The following USHBP1 variants were observed in gnomAD, a reference collection of about 807,000 sequenced individuals.
The protein encoded by USHBP1 is harmonin-binding protein USHBP1.
Under a neutral mutation model 76.2 loss-of-function variants are expected in USHBP1, and 67 were observed. The observed-to-expected ratio is 0.88, with a 90% CI of 0.72 to 1.08. The LOEUF is 1.08. USHBP1 is among the 50% of genes least tolerant of loss of function. The probability of loss-of-function intolerance (pLI) is 0.00; values close to 1 mark genes in which losing one functional copy is unlikely to be tolerated. For missense variants in USHBP1, 931 were observed against 915.0 expected (o/e 1.02, Z -0.23); for synonymous variants, 322 against 362.2 (o/e 0.89, Z 1.26).
chr19:17,254,611 G>A (rs139660936), intron 10 of USHBP1, among the ~76,000 whole-genome samples: 1,879 of 151,610 alleles, frequency 0.012, 11 homozygotes, highest in African/African-American at 0.019. Flanking sequence ...AGCCAAGATC[G>A]GGCCATTGCA....
chr19:17,259,332 G>C lies in USHBP1; in HGVS notation c.1003C>G (p.Arg335Gly), dbSNP rs562060158. The change falls in exon 7 of 13, where the codon CGG (arginine) becomes GGG (glycine). Residue 335 changes from arginine to glycine, a missense_variant. Coordinates refer to ENST00000252597, the MANE Select transcript of USHBP1 (RefSeq NM_031941.4). ...TGCAATGCTGTGGCCTCAGCCTCCC[G>C]CTGGCCTAGCTGCATGCTGAGGCCT... ...CEGLSMQLGQ[R>G]EAEATALHLA... 2.4e-5 allele frequency: 38 copies of C among 1,614,006 alleles called. 1 individual carries two copies. In the South Asian group the frequency reaches 4.1e-4, roughly 17 times the overall value.
Position 17,255,646 on chromosome 19 carries a change from C to T in USHBP1, c.1471-40G>A, listed in dbSNP as rs199696020. Reference sequence around the variant, plus strand: ...AGAGGGGAGAGAATTTATGCTTCTACGGTCAACTGCAGGGAAACTGAGGCC... The same window carrying T: ...AGAGGGGAGAGAATTTATGCTTCTATGGTCAACTGCAGGGAAACTGAGGCC... On this transcript the variant is annotated intron_variant, in intron 9 of 12. Coordinates refer to ENST00000252597, the MANE Select transcript of USHBP1 (RefSeq NM_031941.4). 298 of 1,541,898 alleles carry T rather than the reference C, an allele frequency of 1.9e-4. 2 individuals carry two copies. The highest frequency in any genetic ancestry group is 7.1e-4 in the East Asian group (30 of 42,156).
chr19:17,259,746 G>A lies in USHBP1; in HGVS notation c.769-14C>T, dbSNP rs768183768. The A allele has an allele frequency of 2.5e-6, 4 of 1,601,514 alleles. No homozygotes were observed. The East Asian group carries it at 6.7e-5, about 27-fold the overall frequency. On this transcript the variant is annotated splice_polypyrimidine_tract_variant and intron_variant, in intron 5 of 12. Transcript: ENST00000252597. ...GGAGAAGGAGTCCTGCCAAGAAGAAGTGATATAACTGACCCCAATTGTCAC... is the reference window on the plus strand; with the variant it reads ...GGAGAAGGAGTCCTGCCAAGAAGAAATGATATAACTGACCCCAATTGTCAC...
At chr19:17,255,944 G>A (rs1329594044) in intron 9 of USHBP1, among the ~76,000 whole-genome samples, 2 of 152,148 alleles carry the variant, frequency 1.3e-5, no homozygotes, top group Non-Finnish European at 2.9e-5. Flanking sequence ...GGCAGAGGCT[G>A]CAGTGAGCCA....
Position 17,256,585 on chromosome 19 carries a change from C to A in USHBP1, c.1356G>T (p.Met452Ile). 6.2e-7 allele frequency: 1 copy of A among 1,614,170 alleles called. No homozygotes were observed. The highest frequency in any genetic ancestry group is 8.5e-7 in the Non-Finnish European group (1 of 1,180,020). ...TGGCTTCTGCACGGGGCACAGTGGG[C>A]ATGGGTGCCAAGGTGGGGCCAGGCT... The part of the protein sequence containing the change: ...LSEPGPTLAP[M>I]PTVPRAEAMV... The change falls in exon 9 of 13, where the codon ATG (methionine) becomes ATT (isoleucine). Residue 452 changes from methionine (M) to isoleucine (I), a missense_variant. Coordinates refer to ENST00000252597, the MANE Select transcript of USHBP1 (RefSeq NM_031941.4).
intron 8 of USHBP1, among the ~76,000 whole-genome samples, chr19:17,257,557 C>T (rs942017241): frequency 2.7e-5 from 4 of 149,380 alleles, no homozygotes; most frequent in Non-Finnish European, 3.0e-5. Context: ...CAGGAGAATC[C>T]CTTGAACCCG....
At chr19:17,256,384 TCTC>T (rs1437797415) in intron 9 of USHBP1, 84 bp downstream of exon 9, 9 of 1,559,458 alleles carry the variant, frequency 5.8e-6, no homozygotes, top group Non-Finnish European at 7.8e-6. Context: ...CCAGCAGAAT[TCTC>T]CTTTGCTCCT....
At position 17,250,714 on chromosome 19, in the gene USHBP1, C is replaced by A. The variant is rs570773939; in HGVS notation, c.1923-300G>T. On this transcript the variant is annotated intron_variant, in intron 12 of 12. Transcript: ENST00000252597. ...TACAGGCGCCCACCACCACGCCCAG[C>A]TAATTTTTTTGTATTTTTTAATAGA... Among the ~76,000 whole-genome samples the A allele has an allele frequency of 6.6e-5, 10 of 152,094 alleles. No homozygotes were observed. In the South Asian group the frequency reaches 2.1e-3, roughly 32 times the overall value.
chr19:17,256,817 C>T (rs1005762214), intron 8 of USHBP1, 97 bp from the exon 9 acceptor site: 1 of 1,534,890 alleles, frequency 6.5e-7, no homozygotes, highest in African/African-American at 1.4e-5. Flanking sequence ...TTCCATCTCA[C>T]TGGCCACGAT....
chr19:17,259,955 C>A lies in USHBP1; in HGVS notation c.710G>T (p.Gly237Val), dbSNP rs1331403193. The A allele has an allele frequency of 6.2e-7, 1 of 1,614,078 alleles. No individual in the cohort carries two copies. Reference protein sequence around the residue: ...PCPHLSHNQAGGSGSGSSSSE... With the variant: ...PCPHLSHNQAVGSGSGSSSSE... ...GCTGCTAGAACCACTGCCTGAGCCA[C>A]CTGCTTGGTTGTGGGAAAGATGTGG... The change falls in exon 5 of 13, where the codon GGT (glycine) becomes GTT (valine). Residue 237 changes from glycine to valine, a missense_variant. Gly to Val is a moderately radical substitution (Grantham distance 109). Transcript: ENST00000252597.
rs1474768037 is a variant in USHBP1, at chr19:17,259,688, G to A, written c.813C>T (p.Ser271=). ...ACCCAAGGATCTGGGTGCTGGAATG[G>A]CTGCGGAGGCGCCGAAGCAGGGGGT... ...LAHPLLRRLR[S]HSSTQILGSL... Residue 271 remains serine, a synonymous_variant, in exon 6 of 13, where the codon AGC becomes AGT. Transcript: ENST00000252597. 15 of 1,614,000 alleles carry A rather than the reference G, an allele frequency of 9.3e-6. No homozygotes were observed. The highest frequency in any genetic ancestry group is 1.3e-5 in the Non-Finnish European group (15 of 1,179,952).
rs1240810871 is a variant in USHBP1 at position 17,258,333 on chromosome 19, A to G, written c.1099T>C (p.Ser367Pro). The G allele has an allele frequency of 6.2e-7, 1 of 1,613,968 alleles. No homozygotes were observed. Among genetic ancestry groups the G allele is most frequent in the Non-Finnish European group, 8.5e-7 (1 of 1,180,008 alleles). Reference protein sequence around the residue: ...RVLLALREADSGAGDEAPMSD... With the variant: ...RVLLALREADPGAGDEAPMSD... ...ATGGGGGCTTCGTCTCCTGCTCCTGAGTCGGCCTCCCGCAGAGCAAGCAGA... is the reference window on the plus strand; with the variant it reads ...ATGGGGGCTTCGTCTCCTGCTCCTGGGTCGGCCTCCCGCAGAGCAAGCAGA... Residue 367 changes from serine to proline, a missense_variant, in exon 8 of 13, where the codon TCA becomes CCA. Transcript: ENST00000252597.
At chr19:17,263,035 A>G in intron 3 of USHBP1, 45 bp from the exon 4 acceptor site, 1 of 1,487,094 alleles carries the variant, frequency 6.7e-7, no homozygotes, top group Non-Finnish European at 9.0e-7. Flanking sequence ...ATGCTGGGCA[A>G]GGAATTCTTT....
intron 12 of USHBP1, among the ~76,000 whole-genome samples, chr19:17,250,890 C>T (rs1029841886): frequency 6.6e-6 from 1 of 150,904 alleles, no homozygotes; most frequent in African/African-American, 2.4e-5. Flanking sequence ...GATGGGGTTT[C>T]GCTCTTGTTG....
chr19:17,254,097 A>C (rs2073587896), intron 10 of USHBP1, among the ~76,000 whole-genome samples: 1 of 152,044 alleles, frequency 6.6e-6, no homozygotes, highest in Non-Finnish European at 1.5e-5. Flanking sequence ...TAATCCCAGC[A>C]CTTTGGGAGG....
intron 11 of USHBP1, 47 bp downstream of exon 11, chr19:17,251,864 T>C: frequency 2.0e-6 from 3 of 1,516,590 alleles, no homozygotes; most frequent in Non-Finnish European, 2.6e-6. Flanking sequence ...GGCTCTCACA[T>C]AGGCTGCCTG....
Position 17,259,978 on chromosome 19 carries a change from T to C in USHBP1, c.687A>G (p.Pro229=), listed in dbSNP as rs557024749. 5 of 1,613,930 alleles carry C rather than the reference T, an allele frequency of 3.1e-6. No individual in the cohort carries two copies. The Admixed American group carries it at 6.7e-5, about 22-fold the overall frequency. The change falls in exon 5 of 13, where the codon CCA becomes CCG. Residue 229 remains proline, a synonymous_variant. Transcript: ENST00000252597. ...QDSLLRLEPC[P]HLSHNQAGGS... is the part of the protein sequence containing the mutation. ...CACCTGCTTGGTTGTGGGAAAGATG[T>C]GGGCAGGGCTCCAGCCTCAAGAGGG...
At chr19:17,259,513 G>A (rs2073662159) in intron 6 of USHBP1, 83 bp downstream of exon 6, 2 of 1,607,222 alleles carry the variant, frequency 1.2e-6, no homozygotes, top group Admixed American at 1.7e-5. Flanking sequence ...CCTCCCTCCT[G>A]TTGCAGCTTC....
At chr19:17,251,207 T>C (rs2073547273) in intron 12 of USHBP1, among the ~76,000 whole-genome samples, 1 of 146,726 alleles carries the variant, frequency 6.8e-6, no homozygotes, top group Non-Finnish European at 1.5e-5. Flanking sequence ...TCTTGCTCTG[T>C]CACCCAAGCT....
Sources: allele counts gnomAD v4.1 joint callset (sites outside exome capture counted in the v4.1 genomes callset), GRCh38; gene constraint gnomAD v4.1.1; transcripts MANE v1.5; gene names NCBI Gene and HGNC (gene_info 2026-07-23, HGNC 2026-07-21).